The following ZFHX4 variants were observed in gnomAD, a reference collection of about 807,000 sequenced individuals.
ZFHX4 encodes zinc finger homeobox 4, also known as zinc finger homeobox protein 4.
ZFHX4 carries 56 observed loss-of-function variants against 267.6 expected under a neutral mutation model. The observed-to-expected ratio is 0.21, with a 90% confidence interval of 0.17 to 0.26. ZFHX4 has a LOEUF of 0.26. Among genes scored for constraint, ZFHX4 ranks in the 10% least tolerant of loss-of-function variants. The pLI is 1.00. For missense variants in ZFHX4, 4,332 were observed against 4,420.0 expected (o/e 0.98, Z 0.56); for synonymous variants, 1,778 against 1,665.6 (o/e 1.07, Z -1.64).
rs573705776 is a variant in ZFHX4 at position 76,860,535 on chromosome 8, G to A, written c.9380-2559G>A. 5.9e-5 allele frequency among the ~76,000 whole-genome samples: 9 copies of A among 151,858 alleles called. No homozygotes were observed. The East Asian group carries it at 7.8e-4, about 13-fold the overall frequency. ...TTATCTTGTCTTAAATTTTCATGTC[G>A]GAGACAGGTAAGCCAGTAATTTCCT... is the stretch of plus-strand genomic sequence containing the variant. On this transcript the variant is annotated intron_variant, in intron 10 of 10. Coordinates refer to ENST00000651372, the MANE Select transcript of ZFHX4 (RefSeq NM_024721.5).
intron 1 of ZFHX4, among the ~76,000 whole-genome samples, chr8:76,684,618 G>C (rs1385877729): frequency 6.6e-6 from 1 of 152,202 alleles, no homozygotes; most frequent in Non-Finnish European, 1.5e-5. Context: ...GAAAGGTCAG[G>C]TAAACCAGCT....
rs1006955039 is a variant in ZFHX4, at chr8:76,705,100, C to T, written c.1012C>T (p.Pro338Ser). The change falls in exon 2 of 11, where the codon CCA becomes TCA. Residue 338 changes from proline to serine, a missense_variant. Physicochemically the swap from Pro to Ser is moderately conservative, Grantham distance 74 (BLOSUM62 -1). Transcript: ENST00000651372. Reference protein sequence around the residue: ...DKEPLISFLEPKKSTSVYPHF... With the variant: ...DKEPLISFLESKKSTSVYPHF... Reference sequence around the variant, plus strand: ...AGAACCTCTTATAAGCTTTCTGGAACCAAAAAAATCCACTTCTGTTTATCC... The same window carrying T: ...AGAACCTCTTATAAGCTTTCTGGAATCAAAAAAATCCACTTCTGTTTATCC... The T allele has an allele frequency of 4.3e-6, 7 of 1,613,388 alleles. No individual in the cohort carries two copies. The highest frequency in any genetic ancestry group is 5.1e-6 in the Non-Finnish European group (6 of 1,179,730).
Position 76,763,948 on chromosome 8 carries a change from C to T in ZFHX4, c.3094-14260C>T, listed in dbSNP as rs141827956. Among the ~76,000 whole-genome samples, 18 of 152,244 alleles carry T rather than the reference C, an allele frequency of 1.2e-4. No individual in the cohort carries two copies. In the East Asian group the frequency reaches 3.3e-3, roughly 28 times the overall value. ...CACATTAATTCTGATGTTTTTATTA[C>T]AGCAGCTAAACTTTATATTCATATG... On this transcript the variant is annotated intron_variant, in intron 3 of 10. Coordinates refer to ENST00000651372, the MANE Select transcript of ZFHX4 (RefSeq NM_024721.5).
intron 4 of ZFHX4, among the ~76,000 whole-genome samples, chr8:76,832,273 TG>T (rs1056911476): frequency 1.3e-5 from 2 of 152,216 alleles, no homozygotes; most frequent in African/African-American, 4.8e-5. Context: ...GATAACAATC[TG>T]GTCTTTTCAG....
At chr8:76,764,194 CAAAGG>C (rs1809993520) in intron 3 of ZFHX4, among the ~76,000 whole-genome samples, 1 of 152,086 alleles carries the variant, frequency 6.6e-6, no homozygotes, top group South Asian at 2.1e-4. Flanking sequence ...AGCAGTTTCT[CAAAGG>C]AAATTGCCAA....
rs566651104 is a variant in ZFHX4, at chr8:76,761,923, G to A, written c.3094-16285G>A. ...TGCATTGGGTTGTCTTGTTTGGGCT[G>A]CTTAGTACTACTATCACTGGGTTGA... On this transcript the variant is annotated intron_variant, in intron 3 of 10. Coordinates refer to ENST00000651372, the MANE Select transcript of ZFHX4 (RefSeq NM_024721.5). Among the ~76,000 whole-genome samples, 9 of 152,250 alleles carry A rather than the reference G, an allele frequency of 5.9e-5. No individual in the cohort carries two copies. In the East Asian group the frequency reaches 1.5e-3, roughly 26 times the overall value.
intron 3 of ZFHX4, among the ~76,000 whole-genome samples, chr8:76,772,637 A>G (rs1212807601): frequency 1.3e-5 from 2 of 152,178 alleles, no homozygotes. Context: ...CGACATGGCC[A>G]GAGTGGTGTT....
In ZFHX4 at chr8:76,863,457, A is replaced by C. The variant is rs1224823864; in HGVS notation, c.9743A>C (p.Asn3248Thr). 3 of 1,613,800 alleles carry C rather than the reference A, an allele frequency of 1.9e-6. No individual in the cohort carries two copies. The Admixed American group carries it at 5.0e-5, about 27-fold the overall frequency. ...VDPIQLQALQ[N>T]AIAGDPASFI... ...CCTATTCAGTTGCAGGCATTACAGA[A>C]TGCAATTGCTGGTGACCCAGCTTCC... Residue 3248 changes from asparagine (N) to threonine (T), a missense_variant, in exon 11 of 11, where the codon AAT (asparagine) becomes ACT (threonine). This residue lies in a region of ZFHX4 where 1,648 missense variants were observed against 1,625.0 expected (regional missense o/e 1.01). Coordinates refer to ENST00000651372, the MANE Select transcript of ZFHX4 (RefSeq NM_024721.5).
At position 76,863,291 on chromosome 8, in the gene ZFHX4, C is replaced by A. The variant is rs1296502756; in HGVS notation, c.9577C>A (p.Gln3193Lys). ...ACAGAACAAAGAATCTGAGAAAAAGCAAACTAAGCCAAACAAGGTGAAAAA... is the reference window on the plus strand; with the variant it reads ...ACAGAACAAAGAATCTGAGAAAAAGAAAACTAAGCCAAACAAGGTGAAAAA... ...EQQNKESEKK[Q>K]TKPNKVKKIK... is the part of the protein sequence containing the mutation. Residue 3193 changes from glutamine (Q) to lysine (K), a missense_variant, in exon 11 of 11, where the codon CAA becomes AAA. Gln to Lys is a moderately conservative substitution (Grantham distance 53). This residue lies in a region of ZFHX4 where 1,648 missense variants were observed against 1,625.0 expected (regional missense o/e 1.01). Transcript: ENST00000651372. 2 of 1,612,478 alleles carry A rather than the reference C, an allele frequency of 1.2e-6. No homozygotes were observed. Among genetic ancestry groups the A allele is most frequent in the Admixed American group, 3.3e-5 (2 of 59,742 alleles).
chr8:76,754,324 C>A (rs573119055), intron 3 of ZFHX4, among the ~76,000 whole-genome samples: 1 of 151,818 alleles, frequency 6.6e-6, no homozygotes, highest in African/African-American at 2.4e-5. Context: ...CCTGTCTCTA[C>A]CAAAAAATAC....
chr8:76,713,587 T>C (rs929744441), intron 3 of ZFHX4, among the ~76,000 whole-genome samples: 14 of 152,144 alleles, frequency 9.2e-5, no homozygotes, highest in African/African-American at 3.1e-4. Flanking sequence ...ATCCTTACTG[T>C]TTTACCCCAC....
At chr8:76,768,091 G>C (rs930147164) in intron 3 of ZFHX4, among the ~76,000 whole-genome samples, 1 of 152,128 alleles carries the variant, frequency 6.6e-6, no homozygotes, top group Non-Finnish European at 1.5e-5. Context: ...ATTGGGGTAT[G>C]TACACATAAA....
chr8:76,731,995 C>T (rs1478948936), intron 3 of ZFHX4, among the ~76,000 whole-genome samples: 1 of 151,760 alleles, frequency 6.6e-6, no homozygotes, highest in East Asian at 1.9e-4. Flanking sequence ...GTGTGTGCCT[C>T]CACACTCCGC....
In ZFHX4 at chr8:76,810,998, G is replaced by T. The variant is rs577310921; in HGVS notation, c.3326-22340G>T. Among the ~76,000 whole-genome samples the T allele has an allele frequency of 1.4e-3, 208 of 152,180 alleles. 1 individual carries two copies. The highest frequency in any genetic ancestry group is 2.3e-3 in the Non-Finnish European group (157 of 67,998). ...TACTAGGCCATCTCTGAATGAGCCC[G>T]ACGCTCTGCTTAACTTTCACCTGGT... is the stretch of plus-strand genomic sequence containing the variant. On this transcript the variant is annotated intron_variant, in intron 4 of 10. Transcript: ENST00000651372.
At chr8:76,819,261 G>C (rs557130250) in intron 4 of ZFHX4, among the ~76,000 whole-genome samples, 11 of 149,754 alleles carry the variant, frequency 7.3e-5, no homozygotes, top group South Asian at 2.1e-4. Context: ...ATAACATTTA[G>C]AGCTTATGTT....
At position 76,864,118 on chromosome 8, in the gene ZFHX4, A is replaced by G. The variant is rs764299200; in HGVS notation, c.10404A>G (p.Ser3468=). ...AAGCACTTAGCCAACACCTCCAGTC[A>G]AGCTTGCACAAAGAGAAAACAATCA... The part of the protein sequence containing the change: ...GNEALSQHLQ[S]SLHKEKTIKQ... Residue 3468 remains serine (S), a synonymous_variant, in exon 11 of 11, where the codon TCA becomes TCG. Transcript: ENST00000651372. 1.4e-5 allele frequency: 22 copies of G among 1,613,724 alleles called. No homozygotes were observed. Among genetic ancestry groups the G allele is most frequent in the Middle Eastern group, 3.3e-4 (2 of 6,084 alleles).
chr8:76,794,823 T>G (rs1810929338), intron 4 of ZFHX4, among the ~76,000 whole-genome samples: 1 of 152,100 alleles, frequency 6.6e-6, no homozygotes, highest in Admixed American at 6.6e-5. Flanking sequence ...ATCAAACATT[T>G]TTAAATCTAG....
chr8:76,743,268 G>A (rs1321832150), intron 3 of ZFHX4, among the ~76,000 whole-genome samples: 1 of 152,106 alleles, frequency 6.6e-6, no homozygotes, highest in African/African-American at 2.4e-5. Context: ...ACTTCTGATT[G>A]GAGAAACTGA....
chr8:76,774,886 C>T (rs1810364514), intron 3 of ZFHX4, among the ~76,000 whole-genome samples: 1 of 151,938 alleles, frequency 6.6e-6, no homozygotes, highest in African/African-American at 2.4e-5. Context: ...AAAACTTTTG[C>T]GTTTTTACAC....
Sources: allele counts gnomAD v4.1 joint callset (sites outside exome capture counted in the v4.1 genomes callset), GRCh38; gene constraint gnomAD v4.1.1; regional missense constraint gnomAD v4.1.1; transcripts MANE v1.5; gene names NCBI Gene and HGNC (gene_info 2026-07-23, HGNC 2026-07-21).